The following MMP20 variants were observed in gnomAD, a reference collection of about 807,000 sequenced individuals.
The protein encoded by MMP20 is matrix metalloproteinase-20.
MMP20 carries 50 observed loss-of-function variants against 51.8 expected under a neutral mutation model. The observed-to-expected ratio is 0.97, with a 90% CI of 0.77 to 1.22. The LOEUF (loss-of-function observed/expected upper bound fraction) is 1.22. Among genes scored for constraint, MMP20 ranks in the 50% most tolerant of loss-of-function variants. The pLI, the probability that MMP20 is intolerant of heterozygous loss-of-function variation, is 0.00. For missense variants in MMP20, 663 were observed against 601.4 expected (o/e 1.10, Z -1.07); for synonymous variants, 244 against 216.2 (o/e 1.13, Z -1.13).
Position 102,593,605 on chromosome 11 carries a change from G to T in MMP20, c.1091-10C>A. 1 of 1,613,944 alleles carries T rather than the reference G, an allele frequency of 6.2e-7. No homozygotes were observed. On this transcript the variant is annotated splice_polypyrimidine_tract_variant and intron_variant, in intron 7 of 9. Transcript: ENST00000260228. Reference sequence around the variant, plus strand: ...ATCCAGTAGTGGGGACCTGAAAACAGAAATTAAAGTTTACGAAAACTCTGC... The same window carrying T: ...ATCCAGTAGTGGGGACCTGAAAACATAAATTAAAGTTTACGAAAACTCTGC...
chr11:102,615,153 T>C (rs1190313848), intron 2 of MMP20, among the ~76,000 whole-genome samples: 1 of 147,090 alleles, frequency 6.8e-6, no homozygotes, highest in African/African-American at 2.5e-5. Flanking sequence ...ATAAATAACG[T>C]ATTTTATTTA....
At chr11:102,612,544 C>G (rs1859615571) in intron 2 of MMP20, among the ~76,000 whole-genome samples, 2 of 152,090 alleles carry the variant, frequency 1.3e-5, no homozygotes, top group East Asian at 3.9e-4. Flanking sequence ...TTCTTAAAGT[C>G]GTTTTCATTG....
At chr11:102,589,386 T>G (rs903397762) in intron 8 of MMP20, among the ~76,000 whole-genome samples, 2 of 152,204 alleles carry the variant, frequency 1.3e-5, no homozygotes, top group African/African-American at 4.8e-5. Flanking sequence ...CCACTGATCT[T>G]CATGAAGTCT....
rs564592418 is a variant in MMP20, at chr11:102,586,484, A to G, written c.1247+6955T>C. 7.8e-4 allele frequency among the ~76,000 whole-genome samples: 119 copies of G among 151,930 alleles called. 1 individual carries two copies. Among genetic ancestry groups the G allele is most frequent in the Non-Finnish European group, 1.5e-3 (101 of 68,006 alleles). On this transcript the variant is annotated intron_variant, in intron 8 of 9. Coordinates refer to ENST00000260228, the MANE Select transcript of MMP20 (RefSeq NM_004771.4). ...TTTTATTTCTGTAAGGTGAGTAGCA[A>G]TGTCTCCTCTTTTATTTCTGATTTT...
intron 5 of MMP20, among the ~76,000 whole-genome samples, chr11:102,608,671 A>T (rs1176003063): frequency 7.2e-6 from 1 of 138,990 alleles, no homozygotes; most frequent in Non-Finnish European, 1.6e-5. Context: ...TCTAACCTGC[A>T]CTCAAAGGAA....
intron 2 of MMP20, among the ~76,000 whole-genome samples, chr11:102,615,464 A>C (rs1027844115): frequency 6.6e-6 from 1 of 152,156 alleles, no homozygotes; most frequent in African/African-American, 2.4e-5. Flanking sequence ...ATTAGGCGGC[A>C]GCTCTACCAT....
chr11:102,618,464 C>A (rs899312423), intron 1 of MMP20, among the ~76,000 whole-genome samples: 2 of 151,416 alleles, frequency 1.3e-5, no homozygotes, highest in Non-Finnish European at 2.9e-5. Context: ...TTGGGAGTAA[C>A]CTTAATGTCT....
chr11:102,593,623 A>G lies in MMP20; in HGVS notation c.1091-28T>C, dbSNP rs190504606. 3.1e-6 allele frequency: 5 copies of G among 1,613,312 alleles called. No homozygotes were observed. The East Asian group carries it at 1.1e-4, about 36-fold the overall frequency. On this transcript the variant is annotated intron_variant, in intron 7 of 9. Coordinates refer to ENST00000260228, the MANE Select transcript of MMP20 (RefSeq NM_004771.4). ...GAAAACAGAAATTAAAGTTTACGAA[A>G]ACTCTGCACCACTTGGTGATGCACT...
chr11:102,582,891 C>A (rs1407616334), intron 8 of MMP20, among the ~76,000 whole-genome samples: 1 of 152,162 alleles, frequency 6.6e-6, no homozygotes, highest in Non-Finnish European at 1.5e-5. Flanking sequence ...TTTTCTATAA[C>A]AAACATCACA....
intron 6 of MMP20, 135 bp from the exon 7 acceptor site, chr11:102,594,892 GT>G (rs1042720757): frequency 9.0e-6 from 10 of 1,109,372 alleles, no homozygotes; most frequent in South Asian, 3.0e-5. Context: ...GCCTTGCCTT[GT>G]TTTTTTTCTC....
At chr11:102,606,385 C>G in intron 6 of MMP20, 150 bp downstream of exon 6, 1 of 1,061,748 alleles carries the variant, frequency 9.4e-7, no homozygotes, top group Non-Finnish European at 1.4e-6. Context: ...TCTATCTCCC[C>G]CAAAGACCCC....
chr11:102,623,537 C>T (rs1383316678), intron 1 of MMP20, among the ~76,000 whole-genome samples: 6 of 152,324 alleles, frequency 3.9e-5, no homozygotes, highest in South Asian at 2.1e-4. Flanking sequence ...CTACTTCCCA[C>T]GTCCATGAAA....
rs201197892 is a variant in MMP20, at chr11:102,596,772, G to A, written c.954-2015C>T. 7.2e-5 allele frequency among the ~76,000 whole-genome samples: 11 copies of A among 152,344 alleles called. No individual in the cohort carries two copies. In the East Asian group the frequency reaches 2.1e-3, roughly 29 times the overall value. ...GATCTCACCTACTTGCTCATGCTCAGTCTCGTGACCTCTGGTTTTTTCTTT... is the reference window on the plus strand; with the variant it reads ...GATCTCACCTACTTGCTCATGCTCAATCTCGTGACCTCTGGTTTTTTCTTT... On this transcript the variant is annotated intron_variant, in intron 6 of 9. Transcript: ENST00000260228.
In MMP20 at chr11:102,617,201, T is replaced by G. The variant is rs17099090; in HGVS notation, c.127-142A>C. 1,383 of 1,024,380 alleles carry G rather than the reference T, an allele frequency of 1.4e-3. 19 individuals carry two copies. In the African/African-American group the frequency reaches 0.019, roughly 14 times the overall value. The allele number at this position is 1,024,380 out of a possible 1,614,324, so 63.5% of individuals were successfully genotyped here. A position where few individuals can be genotyped will look rare whatever the true frequency, so the allele number is the denominator to read the frequency against. On this transcript the variant is annotated intron_variant, in intron 1 of 9. Transcript: ENST00000260228. ...CATTTATGAAAAAAGTAGACATATT[T>G]GTTTACATAAAGCTTAGCTATACTC...
rs1009379492 is a variant in MMP20 at position 102,593,607 on chromosome 11, A to G, written c.1091-12T>C. The stretch of plus-strand genomic sequence containing the variant: ...CCAGTAGTGGGGACCTGAAAACAGA[A>G]ATTAAAGTTTACGAAAACTCTGCAC... On this transcript the variant is annotated splice_polypyrimidine_tract_variant and intron_variant, in intron 7 of 9. Coordinates refer to ENST00000260228, the MANE Select transcript of MMP20 (RefSeq NM_004771.4). 6.2e-7 allele frequency: 1 copy of G among 1,613,834 alleles called. No individual in the cohort carries two copies. Among genetic ancestry groups the G allele is most frequent in the African/African-American group, 1.3e-5 (1 of 74,916 alleles).
intron 1 of MMP20, among the ~76,000 whole-genome samples, chr11:102,623,690 G>A (rs80195080): frequency 2.0e-3 from 309 of 152,328 alleles, no homozygotes; most frequent in African/African-American, 7.2e-3. Flanking sequence ...TGGCACAAAA[G>A]CAATCATAGA....
intron 9 of MMP20, among the ~76,000 whole-genome samples, chr11:102,578,386 C>G (rs989124616): frequency 6.6e-6 from 1 of 152,200 alleles, no homozygotes; most frequent in South Asian, 2.1e-4. Flanking sequence ...ATCCTACCAC[C>G]TCATCCTCCC....
At chr11:102,600,485 A>G (rs567890811) in intron 6 of MMP20, among the ~76,000 whole-genome samples, 3 of 151,764 alleles carry the variant, frequency 2.0e-5, no homozygotes, top group African/African-American at 4.8e-5. Context: ...GCTTTTTATT[A>G]TTTATTTATT....
chr11:102,618,432 T>C (rs2135947717), intron 1 of MMP20, among the ~76,000 whole-genome samples: 1 of 151,778 alleles, frequency 6.6e-6, no homozygotes, highest in Admixed American at 6.6e-5. Flanking sequence ...ATTTTTAACA[T>C]ATATATAAAG....
Sources: allele counts gnomAD v4.1 joint callset (sites outside exome capture counted in the v4.1 genomes callset), GRCh38; gene constraint gnomAD v4.1.1; transcripts MANE v1.5; gene names NCBI Gene and HGNC (gene_info 2026-07-23, HGNC 2026-07-21).